PRKCH: variants seen among roughly 807,000 people sequenced by gnomAD.
PRKCH encodes protein kinase C eta type.
PRKCH carries 28 observed loss-of-function variants against 82.5 expected under a neutral mutation model. The observed-to-expected ratio is 0.34, with a 90% confidence interval of 0.25 to 0.47. The LOEUF (loss-of-function observed/expected upper bound fraction) is 0.47. Among genes scored for constraint, PRKCH ranks in the 20% least tolerant of loss-of-function variants. PRKCH has a pLI of 1.00. For synonymous variants in PRKCH, 322 were observed against 327.4 expected, an observed-to-expected ratio of 0.98 and a Z score of 0.18; for missense variants, 705 against 881.8, an observed-to-expected ratio of 0.80 and a Z score of 2.54.
chr14:61,349,092 A>C (rs2046037009), intron 1 of PRKCH, among the ~76,000 whole-genome samples: 1 of 152,256 alleles, frequency 6.6e-6, no homozygotes, highest in African/African-American at 2.4e-5. Context: ...ACCTCTAAGT[A>C]GATGTTTATT....
At chr14:61,455,115 C>T (rs566531064) in intron 7 of PRKCH, among the ~76,000 whole-genome samples, 91 of 151,928 alleles carry the variant, frequency 6.0e-4, no homozygotes, top group African/African-American at 2.1e-3. Flanking sequence ...CTGCAAGCTC[C>T]GCCTCCCTGG....
intron 1 of PRKCH, among the ~76,000 whole-genome samples, chr14:61,350,113 T>TTAATATAGTTAATA (rs1160319429): frequency 4.8e-4 from 73 of 152,278 alleles, no homozygotes; most frequent in African/African-American, 1.7e-3. Flanking sequence ...ATAACCATCA[T>TTAATATAGTTAATA]TTATATAGTG....
At position 61,281,831 on chromosome 14, in the gene PRKCH, A is replaced by G. The variant is rs189817941; in HGVS notation, c.-19+94163A>G. On this transcript the variant is annotated intron_variant, in intron 1 of 3. Transcript: ENST00000555185. The stretch of plus-strand genomic sequence containing the variant: ...AGTGTCCAGGGAATTACGTTATGAT[A>G]AATCTGTTTCGAATTCAACGCCTGC... The G allele has an allele frequency of 9.4e-5, 14 of 148,768 alleles. 1 individual carries two copies. In the East Asian group the frequency reaches 2.6e-3, roughly 28 times the overall value. 9.2% of individuals were successfully genotyped at this position (148,768 alleles called of 1,614,324 possible).
intron 1 of PRKCH, among the ~76,000 whole-genome samples, chr14:61,358,877 T>C (rs1180476480): frequency 1.3e-5 from 2 of 152,122 alleles, no homozygotes; most frequent in Non-Finnish European, 2.9e-5. Context: ...CCTTCCCTGC[T>C]TTTGACTTAG....
At position 61,367,360 on chromosome 14, in the gene PRKCH, A is replaced by ATGTGTGTGTG. The variant is rs35762429; in HGVS notation, c.364-23849_364-23840dup. Among the ~76,000 whole-genome samples the ATGTGTGTGTG allele has an allele frequency of 1.9e-4, 28 of 144,956 alleles. 1 individual carries two copies. The highest frequency in any genetic ancestry group is 6.5e-4 in the South Asian group (3 of 4,624). ...TCAGGTATTGCGTGTGTGTGTGTGTATGTGTGTGTGTGTGTGTGTGTGTGT... is the reference window on the plus strand; with the variant it reads ...TCAGGTATTGCGTGTGTGTGTGTGTATGTGTGTGTGTGTGTGTGTGTGTGTGTGTGTGTGT... On this transcript the variant is annotated intron_variant, in intron 1 of 13. Transcript: ENST00000332981.
In PRKCH at chr14:61,410,698, A is replaced by G. The variant is rs919358975; in HGVS notation, c.427+19410A>G. On this transcript the variant is annotated intron_variant, in intron 2 of 13. Transcript: ENST00000332981. ...TTTTCCCTCTCCCAGAGCTTTCCTT[A>G]TCTTCTAATTTCAAAGATAAGCGTT... Among the ~76,000 whole-genome samples the G allele has an allele frequency of 6.6e-5, 10 of 152,194 alleles. No homozygotes were observed. The East Asian group carries it at 1.7e-3, about 26-fold the overall frequency.
At chr14:61,481,083 C>T (rs540564388) in intron 9 of PRKCH, among the ~76,000 whole-genome samples, 1 of 152,336 alleles carries the variant, frequency 6.6e-6, no homozygotes, top group African/African-American at 2.4e-5. Flanking sequence ...TTCTGTACCT[C>T]TCCACTGCAC....
intron 1 of PRKCH, among the ~76,000 whole-genome samples, chr14:61,199,903 A>G (rs927124117): frequency 1.3e-5 from 2 of 152,242 alleles, no homozygotes; most frequent in Admixed American, 6.5e-5. Flanking sequence ...GTATCTGCCA[A>G]GATGTACAGA....
intron 10 of PRKCH, among the ~76,000 whole-genome samples, chr14:61,499,877 A>AGG (rs557272642): frequency 2.7e-3 from 222 of 83,520 alleles, no homozygotes; most frequent in African/African-American, 8.8e-3. Context: ...ACCACCTATA[A>AGG]GGGGTAGACT....
chr14:61,337,013 G>T (rs1322471173), intron 1 of PRKCH, among the ~76,000 whole-genome samples: 7 of 141,692 alleles, frequency 4.9e-5, no homozygotes, highest in South Asian at 2.2e-4. Flanking sequence ...GGTGGAGGTT[G>T]CAGTGAGTCG....
intron 1 of PRKCH, among the ~76,000 whole-genome samples, chr14:61,213,606 C>T (rs1383483673): frequency 6.6e-6 from 1 of 152,190 alleles, no homozygotes; most frequent in Non-Finnish European, 1.5e-5. Flanking sequence ...ACATCTGGAT[C>T]AAATTTCCTC....
intron 1 of PRKCH, among the ~76,000 whole-genome samples, chr14:61,202,006 A>G (rs1011353557): frequency 3.3e-5 from 5 of 152,164 alleles, no homozygotes; most frequent in Non-Finnish European, 7.3e-5. Flanking sequence ...TACTTTTTAT[A>G]ATAAGAACCA....
rs112966753 is a variant in PRKCH at position 61,399,442 on chromosome 14, G to A, written c.427+8154G>A. ...TCCATGATTCTCAGTTTTTATGTATGATGAAAAAGTAAGTTAAAAATTTTA... is the reference window on the plus strand; with the variant it reads ...TCCATGATTCTCAGTTTTTATGTATAATGAAAAAGTAAGTTAAAAATTTTA... On this transcript the variant is annotated intron_variant, in intron 2 of 13. Coordinates refer to ENST00000332981, the MANE Select transcript of PRKCH (RefSeq NM_006255.5). Among the ~76,000 whole-genome samples the A allele has an allele frequency of 1.3e-3, 201 of 152,222 alleles. 5 individuals carry two copies. In the East Asian group the frequency reaches 0.033, roughly 25 times the overall value.
chr14:61,221,516 T>A (rs1428733750), intron 1 of PRKCH, among the ~76,000 whole-genome samples: 3 of 151,670 alleles, frequency 2.0e-5, no homozygotes, highest in African/African-American at 7.3e-5. Flanking sequence ...TTCTTTTCTC[T>A]CCTTTGCTCC....
At chr14:61,401,726 T>G (rs1032787374) in intron 2 of PRKCH, among the ~76,000 whole-genome samples, 5 of 152,268 alleles carry the variant, frequency 3.3e-5, no homozygotes, top group African/African-American at 1.2e-4. Flanking sequence ...TCCTTGACTA[T>G]ATACCTTTGT....
rs557363053 is a variant in PRKCH, at chr14:61,354,541, C to T, written c.363+32077C>T. On this transcript the variant is annotated intron_variant, in intron 1 of 13. Transcript: ENST00000332981. ...CTTAGGGAATATTTTTTTCTGAATG[C>T]GTGAGGAACTTAAAGTTTATTCTAT... Among the ~76,000 whole-genome samples the T allele has an allele frequency of 5.9e-5, 9 of 151,594 alleles. No individual in the cohort carries two copies. The South Asian group carries it at 6.2e-4, about 11-fold the overall frequency.
intron 12 of PRKCH, among the ~76,000 whole-genome samples, chr14:61,546,640 C>A (rs2043261505): frequency 6.6e-6 from 1 of 152,190 alleles, no homozygotes; most frequent in Admixed American, 6.5e-5. Context: ...AAGATTTTCT[C>A]TGTAAATTCA....
At chr14:61,444,591 C>A (rs532734997) in intron 3 of PRKCH, among the ~76,000 whole-genome samples, 13 of 152,090 alleles carry the variant, frequency 8.5e-5, no homozygotes, top group Admixed American at 2.0e-4. Context: ...ACGCTCCCCC[C>A]CTCCACACCC....
chr14:61,252,328 C>A (rs1366700969), intron 1 of PRKCH, among the ~76,000 whole-genome samples: 1 of 152,170 alleles, frequency 6.6e-6, no homozygotes, highest in Non-Finnish European at 1.5e-5. Context: ...GAAGGAAGAC[C>A]GTGACTTTCT....
Sources: allele counts gnomAD v4.1 joint callset (sites outside exome capture counted in the v4.1 genomes callset), GRCh38; gene constraint gnomAD v4.1.1; transcripts MANE v1.5; gene names NCBI Gene and HGNC (gene_info 2026-07-23, HGNC 2026-07-21).